Variants in YY2 observed in about 807,000 individuals in gnomAD.
The protein encoded by YY2 is YY2 transcription factor.
For missense variants in YY2, 254 were observed against 305.3 expected (o/e 0.83, Z 1.25); for synonymous variants, 157 against 131.2 (o/e 1.20, Z -1.35).
Position 21,856,886 on chromosome X carries a change from C to G in YY2, c.402C>G (p.Thr134=). 1 of 1,211,691 alleles carries G rather than the reference C, an allele frequency of 8.3e-7. No individual in the cohort carries two copies. Among genetic ancestry groups the G allele is most frequent in the Non-Finnish European group, 1.1e-6 (1 of 895,559 alleles). The change falls in exon 1 of 1, where the codon ACC becomes ACG. Residue 134 remains threonine, a synonymous_variant. Coordinates refer to ENST00000429584, the MANE Select transcript of YY2 (RefSeq NM_206923.4). ...SASAASTSTS[T]QSRSKKPSKK... ...CGGCGGCATCAACATCAACATCAAC[C>G]CAGAGCCGCAGCAAAAAGCCCAGCA... is the stretch of plus-strand genomic sequence containing the variant.
rs1025700962 is a variant in YY2, at chrX:21,856,146, G to A, written c.-339G>A. 4 of 242,497 alleles carry A rather than the reference G, an allele frequency of 1.6e-5. No homozygotes were observed. Among genetic ancestry groups the A allele is most frequent in the East Asian group, 6.9e-5 (1 of 14,555 alleles). 20.0% of individuals were successfully genotyped at this position (242,497 alleles called of 1,213,427 possible). Reference sequence around the variant, plus strand: ...AAAGTGGAAAAACAACAGCTGGGCGGGGTCGCAGGGTGGCAAACGTACGCG... The same window carrying A: ...AAAGTGGAAAAACAACAGCTGGGCGAGGTCGCAGGGTGGCAAACGTACGCG... On this transcript the variant is annotated 5_prime_UTR_variant, in exon 1 of 1. Transcript: ENST00000429584.
At position 21,857,135 on chromosome X, in the gene YY2, G is replaced by A; in HGVS notation, c.651G>A (p.Lys217=). The A allele has an allele frequency of 1.7e-6, 2 of 1,211,937 alleles. No individual in the cohort carries two copies. Among genetic ancestry groups the A allele is most frequent in the Non-Finnish European group, 2.2e-6 (2 of 895,578 alleles). ...PPDYSEYLKG[K]KLPPGGLPGI... is the part of the protein sequence containing the mutation. ...ATTATTCCGAGTACTTGAAAGGGAA[G>A]AAACTTCCTCCTGGGGGGTTACCAG... Residue 217 remains lysine, a synonymous_variant, in exon 1 of 1, where the codon AAG becomes AAA. Coordinates refer to ENST00000429584, the MANE Select transcript of YY2 (RefSeq NM_206923.4).
At position 21,856,488 on chromosome X, in the gene YY2, G is replaced by A; in HGVS notation, c.4G>A (p.Ala2Thr). M[A>T]SNEDFSITQD... ...CTAACCTAACTAACTCTCAGCCATG[G>A]CCTCCAACGAAGATTTCTCCATCAC... The change falls in exon 1 of 1, where the codon GCC becomes ACC. Residue 2 changes from alanine (A) to threonine (T), a missense_variant. Transcript: ENST00000429584. 8.3e-7 allele frequency: 1 copy of A among 1,204,993 alleles called. No individual in the cohort carries two copies. The highest frequency in any genetic ancestry group is 1.1e-6 in the Non-Finnish European group (1 of 891,701).
rs751183532 is a variant in YY2 at position 21,856,361 on chromosome X, C to T, written c.-124C>T. 19 of 755,382 alleles carry T rather than the reference C, an allele frequency of 2.5e-5. No homozygotes were observed. In the African/African-American group the frequency reaches 4.0e-4, roughly 16 times the overall value. 62.3% of individuals were successfully genotyped at this position (755,382 alleles called of 1,213,427 possible). The stretch of plus-strand genomic sequence containing the variant: ...TCGCGCCTTTCTCTGCAGCTCGCGC[C>T]TTTCTCTGCAGCTCGCCCCTTCCTC... On this transcript the variant is annotated 5_prime_UTR_variant, in exon 1 of 1. Coordinates refer to ENST00000429584, the MANE Select transcript of YY2 (RefSeq NM_206923.4).
rs1373619175 is a variant in YY2, at chrX:21,858,110, C to A, written c.*507C>A. The A allele has an allele frequency of 8.0e-6, 1 of 124,521 alleles. No homozygotes were observed. Among genetic ancestry groups the A allele is most frequent in the East Asian group, 2.8e-4 (1 of 3,632 alleles). The allele number at this position is 124,521 out of a possible 1,213,427, so 10.3% of individuals were successfully genotyped here. ...AAAAGAGTGAACAATTATATGCATA[C>A]GTGAAGTATTTTCCTGCTTAAAAAA... On this transcript the variant is annotated 3_prime_UTR_variant, in exon 1 of 1. Coordinates refer to ENST00000429584, the MANE Select transcript of YY2 (RefSeq NM_206923.4).
rs2092924586 is a variant in YY2 at position 21,857,361 on chromosome X, C to T, written c.877C>T (p.Leu293Phe). 8.3e-7 allele frequency: 1 copy of T among 1,211,063 alleles called. No homozygotes were observed. The highest frequency in any genetic ancestry group is 1.1e-6 in the Non-Finnish European group (1 of 895,515). ...HVCAECGKAF[L>F]ESSKLRRHQL... ...ATGTGCAGAATGTGGCAAAGCTTTT[C>T]TTGAGAGCTCAAAGCTGAGACGACA... is the stretch of plus-strand genomic sequence containing the variant. The change falls in exon 1 of 1, where the codon CTT becomes TTT. Residue 293 changes from leucine (L) to phenylalanine (F), a missense_variant. Coordinates refer to ENST00000429584, the MANE Select transcript of YY2 (RefSeq NM_206923.4).
At position 21,857,132 on chromosome X, in the gene YY2, G is replaced by A. The variant is rs745452592; in HGVS notation, c.648G>A (p.Gly216=). The A allele has an allele frequency of 4.1e-6, 5 of 1,210,135 alleles. No homozygotes were observed. Among genetic ancestry groups the A allele is most frequent in the Non-Finnish European group, 5.6e-6 (5 of 895,305 alleles). The part of the protein sequence containing the change: ...NPPDYSEYLK[G]KKLPPGGLPG... The stretch of plus-strand genomic sequence containing the variant: ...CTGATTATTCCGAGTACTTGAAAGG[G>A]AAGAAACTTCCTCCTGGGGGGTTAC... Residue 216 remains glycine, a synonymous_variant, in exon 1 of 1, where the codon GGG becomes GGA. Transcript: ENST00000429584.
chrX:21,856,443 C>T lies in YY2; in HGVS notation c.-42C>T. 2 of 1,171,821 alleles carry T rather than the reference C, an allele frequency of 1.7e-6. No homozygotes were observed. The highest frequency in any genetic ancestry group is 2.3e-6 in the Non-Finnish European group (2 of 874,673). Reference sequence around the variant, plus strand: ...CTCACTCCCCTCAGCGTTCTTTTTCCCACGGTCTTCCCGTTGCCGCTAACC... The same window carrying T: ...CTCACTCCCCTCAGCGTTCTTTTTCTCACGGTCTTCCCGTTGCCGCTAACC... On this transcript the variant is annotated 5_prime_UTR_variant, in exon 1 of 1. Coordinates refer to ENST00000429584, the MANE Select transcript of YY2 (RefSeq NM_206923.4).
Position 21,857,493 on chromosome X carries a change from G to A in YY2, c.1009G>A (p.Gly337Ser), listed in dbSNP as rs768761322. 6.6e-6 allele frequency: 8 copies of A among 1,211,926 alleles called. No individual in the cohort carries two copies. The highest frequency in any genetic ancestry group is 8.9e-6 in the Non-Finnish European group (8 of 895,570). ...GCGCACACACTTGCGCATCCACACC[G>A]GCGATAAGCCCTTCGTGTGCCCCTT... is the stretch of plus-strand genomic sequence containing the variant. ...NLRTHLRIHT[G>S]DKPFVCPFDV... is the part of the protein sequence containing the mutation. The change falls in exon 1 of 1, where the codon GGC becomes AGC. Residue 337 changes from glycine (G) to serine (S), a missense_variant. Gly to Ser is a moderately conservative substitution (Grantham distance 56). Transcript: ENST00000429584.
rs1482857206 is a variant in YY2, at chrX:21,856,358, C to T, written c.-127C>T. On this transcript the variant is annotated 5_prime_UTR_variant, in exon 1 of 1. Coordinates refer to ENST00000429584, the MANE Select transcript of YY2 (RefSeq NM_206923.4). ...AGCTCGCGCCTTTCTCTGCAGCTCG[C>T]GCCTTTCTCTGCAGCTCGCCCCTTC... is the stretch of plus-strand genomic sequence containing the variant. 4.4e-6 allele frequency: 3 copies of T among 686,794 alleles called. No individual in the cohort carries two copies. Among genetic ancestry groups the T allele is most frequent in the African/African-American group, 2.3e-5 (1 of 43,771 alleles). 56.6% of individuals were successfully genotyped at this position (686,794 alleles called of 1,213,427 possible).
chrX:21,856,366 T>G lies in YY2; in HGVS notation c.-119T>G. The G allele has an allele frequency of 3.7e-6, 3 of 811,572 alleles. No homozygotes were observed. The Admixed American group carries it at 9.1e-5, about 25-fold the overall frequency. 66.9% of individuals were successfully genotyped at this position (811,572 alleles called of 1,213,427 possible). A position where few individuals can be genotyped will look rare whatever the true frequency, so the allele number is the denominator to read the frequency against. ...CCTTTCTCTGCAGCTCGCGCCTTTC[T>G]CTGCAGCTCGCCCCTTCCTCTGCAG... On this transcript the variant is annotated 5_prime_UTR_variant, in exon 1 of 1. Coordinates refer to ENST00000429584, the MANE Select transcript of YY2 (RefSeq NM_206923.4).
Position 21,857,094 on chromosome X carries a change from G to A in YY2, c.610G>A (p.Ala204Thr). Residue 204 changes from alanine (A) to threonine (T), a missense_variant, in exon 1 of 1, where the codon GCT becomes ACT. By Grantham distance (58) the Ala-to-Thr change is moderately conservative (BLOSUM62 0). Coordinates refer to ENST00000429584, the MANE Select transcript of YY2 (RefSeq NM_206923.4). The stretch of plus-strand genomic sequence containing the variant: ...CCAAGGGGCAGTGGGTGAAGGCCAG[G>A]CTGAAAACCCACCTGATTATTCCGA... ...NDQGAVGEGQ[A>T]ENPPDYSEYL... The A allele has an allele frequency of 8.3e-7, 1 of 1,211,760 alleles. No homozygotes were observed. Among genetic ancestry groups the A allele is most frequent in the Non-Finnish European group, 1.1e-6 (1 of 895,533 alleles).
rs1371646662 is a variant in YY2, at chrX:21,858,318, C to A, written c.*715C>A. 2 of 123,066 alleles carry A rather than the reference C, an allele frequency of 1.6e-5. No homozygotes were observed. The highest frequency in any genetic ancestry group is 3.2e-5 in the African/African-American group (1 of 30,815). 10.1% of individuals were successfully genotyped at this position (123,066 alleles called of 1,213,427 possible). ...CAGATGCTGTTGTTTAGTGTAATTTCTTTGCCTGTTCAGTTAAAGTAGTGC... is the reference window on the plus strand; with the variant it reads ...CAGATGCTGTTGTTTAGTGTAATTTATTTGCCTGTTCAGTTAAAGTAGTGC... On this transcript the variant is annotated 3_prime_UTR_variant, in exon 1 of 1. Coordinates refer to ENST00000429584, the MANE Select transcript of YY2 (RefSeq NM_206923.4).
rs1197161087 is a variant in YY2 at position 21,858,518 on chromosome X, A to G, written c.*915A>G. The G allele has an allele frequency of 1.6e-5, 2 of 123,049 alleles. No individual in the cohort carries two copies. Among genetic ancestry groups the G allele is most frequent in the African/African-American group, 6.5e-5 (2 of 30,669 alleles). 10.1% of individuals were successfully genotyped at this position (123,049 alleles called of 1,213,427 possible). A position where few individuals can be genotyped will look rare whatever the true frequency, so the allele number is the denominator to read the frequency against. On this transcript the variant is annotated 3_prime_UTR_variant, in exon 1 of 1. Coordinates refer to ENST00000429584, the MANE Select transcript of YY2 (RefSeq NM_206923.4). ...GGGAGGGTGCTACTGGCATCTGGTG[A>G]GTGGAGGGAGATCAGGAATGCCACT... is the stretch of plus-strand genomic sequence containing the variant.
chrX:21,857,103 C>G lies in YY2; in HGVS notation c.619C>G (p.Pro207Ala). 1 of 1,211,648 alleles carries G rather than the reference C, an allele frequency of 8.3e-7. No homozygotes were observed. The highest frequency in any genetic ancestry group is 3.0e-5 in the East Asian group (1 of 33,841). ...AGTGGGTGAAGGCCAGGCTGAAAAC[C>G]CACCTGATTATTCCGAGTACTTGAA... ...GAVGEGQAEN[P>A]PDYSEYLKGK... Residue 207 changes from proline to alanine, a missense_variant, in exon 1 of 1, where the codon CCA becomes GCA. Coordinates refer to ENST00000429584, the MANE Select transcript of YY2 (RefSeq NM_206923.4).
At position 21,857,677 on chromosome X, in the gene YY2, G is replaced by A. The variant is rs774929965; in HGVS notation, c.*74G>A. The A allele has an allele frequency of 9.7e-6, 10 of 1,026,748 alleles. No homozygotes were observed. In the African/African-American group the frequency reaches 1.9e-4, roughly 19 times the overall value. The allele number at this position is 1,026,748 out of a possible 1,213,427, so 84.6% of individuals were successfully genotyped here. A position where few individuals can be genotyped will look rare whatever the true frequency, so the allele number is the denominator to read the frequency against. On this transcript the variant is annotated 3_prime_UTR_variant, in exon 1 of 1. Transcript: ENST00000429584. Reference sequence around the variant, plus strand: ...GTAGGGAATAAATATGCCTCTCAAAGCTTTGTATGTTGTTTCTAAGAGTTT... The same window carrying A: ...GTAGGGAATAAATATGCCTCTCAAAACTTTGTATGTTGTTTCTAAGAGTTT...
In YY2 at chrX:21,857,324, C is replaced by G; in HGVS notation, c.840C>G (p.Pro280=). Residue 280 remains proline (P), a synonymous_variant, in exon 1 of 1, where the codon CCC becomes CCG. Transcript: ENST00000429584. ...GAAAACATCTCCACATCCACGGGCC[C>G]AGAGTCCACGTATGTGCAGAATGTG... ...AMRKHLHIHG[P]RVHVCAECGK... is the part of the protein sequence containing the mutation. The G allele has an allele frequency of 8.2e-7, 1 of 1,212,168 alleles. No individual in the cohort carries two copies. The highest frequency in any genetic ancestry group is 1.8e-5 in the South Asian group (1 of 57,019).
chrX:21,857,156 A>G lies in YY2; in HGVS notation c.672A>G (p.Leu224=). The G allele has an allele frequency of 8.3e-7, 1 of 1,211,997 alleles. No homozygotes were observed. Among genetic ancestry groups the G allele is most frequent in the African/African-American group, 1.7e-5 (1 of 57,882 alleles). Residue 224 remains leucine (L), a synonymous_variant, in exon 1 of 1, where the codon TTA becomes TTG. Coordinates refer to ENST00000429584, the MANE Select transcript of YY2 (RefSeq NM_206923.4). The stretch of plus-strand genomic sequence containing the variant: ...GGAAGAAACTTCCTCCTGGGGGGTT[A>G]CCAGGCATTGATCTCTCAGATCCTA... The part of the protein sequence containing the change: ...LKGKKLPPGG[L]PGIDLSDPKQ...
rs868784309 is a variant in YY2, at chrX:21,857,424, A to T, written c.940A>T (p.Thr314Ser). The T allele has an allele frequency of 8.3e-7, 1 of 1,211,888 alleles. No homozygotes were observed. The highest frequency in any genetic ancestry group is 1.1e-6 in the Non-Finnish European group (1 of 895,513). The change falls in exon 1 of 1, where the codon ACA becomes TCA. Residue 314 changes from threonine (T) to serine (S), a missense_variant. Thr to Ser is a moderately conservative substitution (Grantham distance 58, BLOSUM62 1). Coordinates refer to ENST00000429584, the MANE Select transcript of YY2 (RefSeq NM_206923.4). Reference protein sequence around the residue: ...VHTGEKPFQCTFEGCGKRFSL... With the variant: ...VHTGEKPFQCSFEGCGKRFSL... ...CACCGGCGAGAAGCCCTTTCAGTGC[A>T]CATTCGAAGGCTGCGGGAAACGCTT...
Sources: allele counts gnomAD v4.1 joint callset, GRCh38; gene constraint gnomAD v4.1.1; transcripts MANE v1.5; gene names NCBI Gene and HGNC (gene_info 2026-07-23, HGNC 2026-07-21).